ZFP82: variants seen among roughly 807,000 people sequenced by gnomAD.
The protein encoded by ZFP82 is ZFP82 zinc finger protein.
ZFP82 carries 30 observed loss-of-function variants against 54.0 expected under a neutral mutation model. The observed-to-expected ratio is 0.56, with a 90% CI of 0.42 to 0.75. The LOEUF is 0.75. Ranked by LOEUF, ZFP82 falls within the 30% of genes least tolerant of loss-of-function variation. ZFP82 has a pLI of 0.00. For missense variants in ZFP82, 500 were observed against 636.8 expected, an observed-to-expected ratio of 0.79 and a Z score of 2.31; for synonymous variants, 194 against 209.5, an observed-to-expected ratio of 0.93 and a Z score of 0.64.
chr19:36,417,886 G>C (rs1160842706), intron 1 of ZFP82, among the ~76,000 whole-genome samples: 5 of 152,166 alleles, frequency 3.3e-5, no homozygotes, highest in Non-Finnish European at 5.9e-5. Flanking sequence ...GCCTGGGCGG[G>C]AGCGGGGGCT....
rs1229734298 is a variant in ZFP82, at chr19:36,392,860, T to C, written c.1480A>G (p.Ile494Val). Residue 494 changes from isoleucine (I) to valine (V), a missense_variant, in exon 5 of 5, where the codon ATT becomes GTT. By Grantham distance (29) the Ile-to-Val change is conservative. Transcript: ENST00000392161. ...CCAGAATGAATTCTCAGATGTTGAA[T>C]AAGGGATGAATTAAGTCTAAAGGCC... Reference protein sequence around the residue: ...RKAFRLNSSLIQHLRIHSGEK... With the variant: ...RKAFRLNSSLVQHLRIHSGEK... The C allele has an allele frequency of 1.2e-6, 2 of 1,613,916 alleles. No homozygotes were observed. The highest frequency in any genetic ancestry group is 4.5e-5 in the East Asian group (2 of 44,876).
chr19:36,407,268 G>T (rs966977839), intron 3 of ZFP82, among the ~76,000 whole-genome samples: 1 of 151,092 alleles, frequency 6.6e-6, no homozygotes, highest in South Asian at 2.1e-4. Flanking sequence ...AGTAGAGACG[G>T]GGTTTCACCG....
At position 36,393,328 on chromosome 19, in the gene ZFP82, A is replaced by G. The variant is rs760022309; in HGVS notation, c.1012T>C (p.Tyr338His). 3 of 1,614,086 alleles carry G rather than the reference A, an allele frequency of 1.9e-6. 1 individual carries two copies. The Admixed American group carries it at 5.0e-5, about 27-fold the overall frequency. The change falls in exon 5 of 5, where the codon TAT becomes CAT. Residue 338 changes from tyrosine (Y) to histidine (H), a missense_variant. Coordinates refer to ENST00000392161, the MANE Select transcript of ZFP82 (RefSeq NM_133466.4). ...HHKLHTGEKP[Y>H]ECKECGKAFR... ...GCCTTCCCGCATTCCTTACATTCAT[A>G]GGGTTTCTCACCAGTATGAAGTTTG...
At chr19:36,386,256 T>C (rs2967512), downstream of ZFP82, among the ~76,000 whole-genome samples, 94,418 of 152,210 alleles carry the variant, frequency 0.62, 29,498 homozygotes, top group Admixed American at 0.68. Context: ...TGGCTCAGCC[T>C]GCCACTGGGC....
At chr19:36,401,219 T>A (rs1019057374) in intron 4 of ZFP82, among the ~76,000 whole-genome samples, 2 of 152,178 alleles carry the variant, frequency 1.3e-5, no homozygotes, top group East Asian at 3.9e-4. Context: ...TCCATGAATG[T>A]AAATTCCAAT....
In ZFP82 at chr19:36,392,540, T is replaced by TC; in HGVS notation, c.*200_*201insG. 1.9e-6 allele frequency: 1 copy of TC among 521,892 alleles called. No homozygotes were observed. Among genetic ancestry groups the TC allele is most frequent in the East Asian group, 3.1e-5 (1 of 32,418 alleles). 32.3% of individuals were successfully genotyped at this position (521,892 alleles called of 1,614,324 possible). Reference sequence around the variant, plus strand: ...GGGATAGGGATGACGGTAAATGTCTTTTTCATTCTTATAACAGGATTAGTT... The same window carrying TC: ...GGGATAGGGATGACGGTAAATGTCTTCTTTCATTCTTATAACAGGATTAGTT... On this transcript the variant is annotated 3_prime_UTR_variant, in exon 5 of 5. Coordinates refer to ENST00000392161, the MANE Select transcript of ZFP82 (RefSeq NM_133466.4).
chr19:36,385,024 A>T (rs566845767), downstream of ZFP82, among the ~76,000 whole-genome samples: 1 of 152,282 alleles, frequency 6.6e-6, no homozygotes, highest in East Asian at 1.9e-4. Context: ...TGTGGTTTGA[A>T]TGTGTCCCCC....
chr19:36,405,401 C>T (rs913004130), intron 4 of ZFP82, among the ~76,000 whole-genome samples, 179 bp downstream of exon 4: 13 of 152,100 alleles, frequency 8.5e-5, no homozygotes, highest in African/African-American at 3.1e-4. Flanking sequence ...AATTTGCTCC[C>T]CATGTCACAG....
In ZFP82 at chr19:36,388,889, C is replaced by T. The variant is rs1782752058; in HGVS notation, c.*3852G>A. ...TGTGTGAACAGAATGGTGAACAACA[C>T]AAATACTTATTTCTCAATCCAGATG... On this transcript the variant is annotated 3_prime_UTR_variant, in exon 5 of 5. Coordinates refer to ENST00000392161, the MANE Select transcript of ZFP82 (RefSeq NM_133466.4). 1.3e-5 allele frequency among the ~76,000 whole-genome samples: 2 copies of T among 152,166 alleles called. No individual in the cohort carries two copies. The highest frequency in any genetic ancestry group is 2.9e-5 in the Non-Finnish European group (2 of 68,040).
Position 36,393,581 on chromosome 19 carries a change from G to A in ZFP82, c.759C>T (p.Pro253=), listed in dbSNP as rs750687902. Residue 253 remains proline, a synonymous_variant, in exon 5 of 5, where the codon CCC becomes CCT. Transcript: ENST00000392161. ...CCTTCCCACATTCTTTACATTCATAGGGCTTCTCACCAATATGCATTTTCT... is the reference window on the plus strand; with the variant it reads ...CCTTCCCACATTCTTTACATTCATAAGGCTTCTCACCAATATGCATTTTCT... The part of the protein sequence containing the change: ...VHQKMHIGEK[P]YECKECGKAF... 1.9e-6 allele frequency: 3 copies of A among 1,614,040 alleles called. No individual in the cohort carries two copies. The highest frequency in any genetic ancestry group is 2.2e-5 in the South Asian group (2 of 91,072).
chr19:36,389,638 C>T lies in ZFP82; in HGVS notation c.*3103G>A, dbSNP rs191572197. 8.7e-4 allele frequency among the ~76,000 whole-genome samples: 133 copies of T among 152,282 alleles called. No individual in the cohort carries two copies. The highest frequency in any genetic ancestry group is 2.0e-3 in the Admixed American group (30 of 15,288). ...CTAACATATGAACAATAAATTATTTCGTATCATTTAGTAACCAATCCATGT... is the reference window on the plus strand; with the variant it reads ...CTAACATATGAACAATAAATTATTTTGTATCATTTAGTAACCAATCCATGT... On this transcript the variant is annotated 3_prime_UTR_variant, in exon 5 of 5. Coordinates refer to ENST00000392161, the MANE Select transcript of ZFP82 (RefSeq NM_133466.4).
downstream of ZFP82, among the ~76,000 whole-genome samples, chr19:36,388,471 T>G (rs1159659920): frequency 6.7e-6 from 1 of 150,238 alleles, no homozygotes. Flanking sequence ...TAGTTCAGGG[T>G]TTTTTTTTGG....
At chr19:36,414,694 A>G (rs1044753667) in intron 1 of ZFP82, among the ~76,000 whole-genome samples, 3 of 152,126 alleles carry the variant, frequency 2.0e-5, no homozygotes, top group Non-Finnish European at 4.4e-5. Context: ...TTATCAAAAA[A>G]GGATTCACAG....
At position 36,393,544 on chromosome 19, in the gene ZFP82, G is replaced by A. The variant is rs776013833; in HGVS notation, c.796C>T (p.Arg266Ter). 24 of 1,613,688 alleles carry A rather than the reference G, an allele frequency of 1.5e-5. No homozygotes were observed. The highest frequency in any genetic ancestry group is 1.8e-5 in the Non-Finnish European group (21 of 1,179,934). The change falls in exon 5 of 5, where the codon CGA becomes TGA. Residue 266 changes from arginine to a stop codon, truncating the protein, a stop_gained. Coordinates refer to ENST00000392161, the MANE Select transcript of ZFP82 (RefSeq NM_133466.4). LOFTEE classifies it high-confidence loss of function. ...CKECGKAFRVRGQLTLHQRIH... is the reference protein window; with the variant it reads ...CKECGKAFRV Reference sequence around the variant, plus strand: ...CTCTGATGCAGAGTAAGTTGTCCTCGTACCCTAAAAGCCTTCCCACATTCT... The same window carrying A: ...CTCTGATGCAGAGTAAGTTGTCCTCATACCCTAAAAGCCTTCCCACATTCT...
rs774252035 is a variant in ZFP82 at position 36,405,675 on chromosome 19, G to A, written c.137-3C>T. Reference sequence around the variant, plus strand: ...ATCTGGTTTAGAAATGAAGCATCCTGCTTAGAAGAAAAGGAATATAAGGTA... The same window carrying A: ...ATCTGGTTTAGAAATGAAGCATCCTACTTAGAAGAAAAGGAATATAAGGTA... On this transcript the variant is annotated splice_region_variant and splice_polypyrimidine_tract_variant and intron_variant, in intron 3 of 4. Coordinates refer to ENST00000392161, the MANE Select transcript of ZFP82 (RefSeq NM_133466.4). 2.5e-6 allele frequency: 4 copies of A among 1,587,732 alleles called. No individual in the cohort carries two copies. The East Asian group carries it at 6.7e-5, about 27-fold the overall frequency.
intron 1 of ZFP82, among the ~76,000 whole-genome samples, chr19:36,412,173 T>G (rs2145599683): frequency 6.6e-6 from 1 of 152,110 alleles, no homozygotes; most frequent in Admixed American, 6.6e-5. Flanking sequence ...AGATATATAA[T>G]CTCTTAGAAA....
chr19:36,383,298 C>T (rs924104811), exon 2 of ZFP82: 3 of 152,148 alleles, frequency 2.0e-5, no homozygotes, highest in African/African-American at 7.2e-5. Flanking sequence ...TTCATTCTAA[C>T]ATACCTGCCT....
intron 4 of ZFP82, among the ~76,000 whole-genome samples, chr19:36,404,343 A>T (rs2032444865): frequency 6.6e-6 from 1 of 152,244 alleles, no homozygotes; most frequent in South Asian, 2.1e-4. Flanking sequence ...CTCAAAAGTC[A>T]GCTAGAGAAA....
At position 36,392,506 on chromosome 19, in the gene ZFP82, C is replaced by T. The variant is rs1447320481; in HGVS notation, c.*235G>A. ...GTTAAGCGTCTTGTCCAGTATGACA[C>T]AAAGTGATGGGATAGGGATGACGGT... On this transcript the variant is annotated 3_prime_UTR_variant, in exon 5 of 5. Coordinates refer to ENST00000392161, the MANE Select transcript of ZFP82 (RefSeq NM_133466.4). The T allele has an allele frequency of 1.6e-5, 7 of 445,318 alleles. No individual in the cohort carries two copies. The highest frequency in any genetic ancestry group is 2.4e-5 in the Non-Finnish European group (6 of 254,818). The allele number at this position is 445,318 out of a possible 1,614,324, so 27.6% of individuals were successfully genotyped here. A position where few individuals can be genotyped will look rare whatever the true frequency, so the allele number is the denominator to read the frequency against.
Sources: allele counts gnomAD v4.1 joint callset (sites outside exome capture counted in the v4.1 genomes callset), GRCh38; gene constraint gnomAD v4.1.1; transcripts MANE v1.5; gene names NCBI Gene and HGNC (gene_info 2026-07-23, HGNC 2026-07-21).